Variants in RIN3 observed in about 807,000 individuals in gnomAD.
RIN3 encodes the protein Ras and Rab interactor 3, also known as RAB5 interacting protein 3.
In RIN3, 54 loss-of-function variants were observed where a neutral mutation model predicts 76.3. The observed-to-expected ratio is 0.71, with a 90% CI of 0.57 to 0.89. RIN3 has a LOEUF of 0.89. RIN3 is among the 40% of genes least tolerant of loss of function. The pLI is 0.00. For synonymous variants in RIN3, 576 were observed against 564.0 expected (o/e 1.02, Z -0.30); for missense variants, 1,256 against 1,322.1 (o/e 0.95, Z 0.78).
Position 92,592,253 on chromosome 14 carries a change from A to G in RIN3, c.367+14776A>G, listed in dbSNP as rs573069836. Among the ~76,000 whole-genome samples the G allele has an allele frequency of 9.9e-5, 15 of 152,124 alleles. 1 individual carries two copies. Among genetic ancestry groups the G allele is most frequent in the African/African-American group, 3.6e-4 (15 of 41,498 alleles). ...CACGTTTCTACTAAAAATACAAAAA[A>G]TTAGCTGGGCCTGGTGGTTTGCCTG... On this transcript the variant is annotated intron_variant, in intron 3 of 9. Coordinates refer to ENST00000216487, the MANE Select transcript of RIN3 (RefSeq NM_024832.5).
At chr14:92,663,866 C>T (rs141250513) in intron 7 of RIN3, among the ~76,000 whole-genome samples, 3 of 152,070 alleles carry the variant, frequency 2.0e-5, no homozygotes, top group East Asian at 2.0e-4. Flanking sequence ...TGTCATGTTG[C>T]GATGCAGGGG....
intron 4 of RIN3, among the ~76,000 whole-genome samples, chr14:92,638,139 G>A (rs949377357): frequency 2.0e-5 from 3 of 152,204 alleles, no homozygotes; most frequent in Non-Finnish European, 4.4e-5. Context: ...AAGCAGAGAC[G>A]CATGAGACCC....
At chr14:92,528,210 CG>C (rs1896795572) in intron 1 of RIN3, among the ~76,000 whole-genome samples, 1 of 152,178 alleles carries the variant, frequency 6.6e-6, no homozygotes. Context: ...GGGTGTGCCC[CG>C]TGGGGGCGGG....
rs755790547 is a variant in RIN3, at chr14:92,676,554, CA to C, written c.2417del (p.Asn806MetfsTer5). 13 of 1,614,016 alleles carry C rather than the reference CA, an allele frequency of 8.1e-6. No individual in the cohort carries two copies. The highest frequency in any genetic ancestry group is 1.1e-5 in the Non-Finnish European group (13 of 1,180,026). On this transcript the variant is annotated frameshift_variant, in exon 8 of 10. Coordinates refer to ENST00000216487, the MANE Select transcript of RIN3 (RefSeq NM_024832.5). LOFTEE classifies it high-confidence loss of function. ...GCAGCAACCTCACGGAGATGCTTCT[CA>C]ATGTGGAGTACATGATGGAGCTCAT... ...ARSNLTEMLL[N>X]VEYMMELMDP...
At chr14:92,582,903 G>C (rs1192031367) in intron 3 of RIN3, among the ~76,000 whole-genome samples, 1 of 152,194 alleles carries the variant, frequency 6.6e-6, no homozygotes, top group African/African-American at 2.4e-5. Context: ...CTCTCTTCCT[G>C]TTTGATGCCC....
At position 92,661,714 on chromosome 14, in the gene RIN3, G is replaced by A. The variant is rs1887885151; in HGVS notation, c.2335+2245G>A. Among the ~76,000 whole-genome samples the A allele has an allele frequency of 3.1e-5, 3 of 95,604 alleles. No homozygotes were observed. The South Asian group carries it at 9.0e-4, about 29-fold the overall frequency. 62.7% of individuals were successfully genotyped at this position (95,604 alleles called of 152,430 possible). ...ATTCCAGCCTGGGTGGTGACAGAGT[G>A]AGACTCTGTCACACACACACACACA... is the stretch of plus-strand genomic sequence containing the variant. On this transcript the variant is annotated intron_variant, in intron 7 of 9. Transcript: ENST00000216487.
intron 1 of RIN3, among the ~76,000 whole-genome samples, chr14:92,536,875 A>G (rs142940673): frequency 8.4e-4 from 128 of 152,150 alleles, no homozygotes; most frequent in African/African-American, 2.9e-3. Flanking sequence ...GTAACCTTAT[A>G]GCATTCTTTT....
rs1410777177 is a variant in RIN3, at chr14:92,656,420, G to A, written c.2027-2741G>A. Among the ~76,000 whole-genome samples, 3 of 152,146 alleles carry A rather than the reference G, an allele frequency of 2.0e-5. No individual in the cohort carries two copies. The highest frequency in any genetic ancestry group is 2.9e-5 in the Non-Finnish European group (2 of 68,026). ...GGGGGACGGCTCAGGAGGCTGCGGCGGGGCAAGGCCAGTACCCGGTGGCCT... is the reference window on the plus strand; with the variant it reads ...GGGGGACGGCTCAGGAGGCTGCGGCAGGGCAAGGCCAGTACCCGGTGGCCT... On this transcript the variant is annotated intron_variant, in intron 6 of 9. Coordinates refer to ENST00000216487, the MANE Select transcript of RIN3 (RefSeq NM_024832.5). This position sits in a 1 kb window ranked among gnomAD's most constrained non-coding sequence, Gnocchi z 5.2.
chr14:92,526,990 G>C (rs1001269826), intron 1 of RIN3, among the ~76,000 whole-genome samples: 2 of 151,616 alleles, frequency 1.3e-5, no homozygotes, highest in Non-Finnish European at 2.9e-5. Flanking sequence ...CTCCATTCTC[G>C]GACTCCATTG....
At chr14:92,638,256 C>T (rs571160023) in intron 4 of RIN3, among the ~76,000 whole-genome samples, 1 of 152,114 alleles carries the variant, frequency 6.6e-6, no homozygotes, top group African/African-American at 2.4e-5. Flanking sequence ...TCCCTCTATG[C>T]GTAAACTCAG....
At chr14:92,683,080 T>C (rs1253676265) in intron 8 of RIN3, among the ~76,000 whole-genome samples, 1 of 151,866 alleles carries the variant, frequency 6.6e-6, no homozygotes, top group Non-Finnish European at 1.5e-5. Context: ...GGCAGGAGAA[T>C]AGCTTGAACC....
chr14:92,676,186 C>T (rs1379071428), intron 7 of RIN3, among the ~76,000 whole-genome samples: 2 of 151,500 alleles, frequency 1.3e-5, no homozygotes, highest in African/African-American at 2.4e-5. Context: ...CAGCAGGGGG[C>T]GGTCATGGAG....
intron 4 of RIN3, among the ~76,000 whole-genome samples, chr14:92,638,110 A>T (rs1479757434): frequency 6.6e-6 from 1 of 152,120 alleles, no homozygotes; most frequent in Non-Finnish European, 1.5e-5. Flanking sequence ...TGCAGTGGTG[A>T]ATTGGATGGG....
At chr14:92,561,044 A>AAAAAAAATATATATATATATATATATAT (rs1555383856) in intron 2 of RIN3, among the ~76,000 whole-genome samples, 4 of 24,394 alleles carry the variant, frequency 1.6e-4, no homozygotes, top group Non-Finnish European at 3.2e-4. Context: ...AAAAAAAAAA[A>AAAAAAAATATATATATATATATATATAT]ATATATATAT....
chr14:92,580,324 C>T (rs1341959003), intron 3 of RIN3, among the ~76,000 whole-genome samples: 2 of 152,246 alleles, frequency 1.3e-5, no homozygotes, highest in Non-Finnish European at 2.9e-5. Flanking sequence ...TGAGATTGCA[C>T]CACTGCACTC....
chr14:92,622,527 G>A (rs1886217969), intron 4 of RIN3, among the ~76,000 whole-genome samples: 1 of 152,194 alleles, frequency 6.6e-6, no homozygotes, highest in Admixed American at 6.5e-5. Context: ...TCTGTAGAAG[G>A]GCGCTTCCTG....
At position 92,651,918 on chromosome 14, in the gene RIN3, A is replaced by T; in HGVS notation, c.869A>T (p.Gln290Leu). The part of the protein sequence containing the change: ...PPPPPPVLPL[Q>L]PCSPAQPPVL... ...CCCCCTCCCCCAGTGCTGCCCCTGC[A>T]GCCCTGCAGCCCAGCCCAGCCCCCT... Residue 290 changes from glutamine (Q) to leucine (L), a missense_variant, in exon 6 of 10, where the codon CAG becomes CTG. Gln to Leu is a moderately radical substitution (Grantham distance 113, BLOSUM62 -2). Coordinates refer to ENST00000216487, the MANE Select transcript of RIN3 (RefSeq NM_024832.5). The T allele has an allele frequency of 8.2e-7, 1 of 1,214,606 alleles. No individual in the cohort carries two copies. Among genetic ancestry groups the T allele is most frequent in the Non-Finnish European group, 1.1e-6 (1 of 942,858 alleles). The allele number at this position is 1,214,606 out of a possible 1,614,324, so 75.2% of individuals were successfully genotyped here. A position where few individuals can be genotyped will look rare whatever the true frequency, so the allele number is the denominator to read the frequency against.
chr14:92,618,133 C>G (rs969385235), intron 4 of RIN3, among the ~76,000 whole-genome samples: 1 of 152,094 alleles, frequency 6.6e-6, no homozygotes, highest in Non-Finnish European at 1.5e-5. Flanking sequence ...TATCCTTTAT[C>G]CATCAAAGTA....
At chr14:92,586,270 A>G (rs775431092) in intron 3 of RIN3, among the ~76,000 whole-genome samples, 4 of 152,214 alleles carry the variant, frequency 2.6e-5, no homozygotes, top group Non-Finnish European at 4.4e-5. Context: ...AGCAGCTATA[A>G]TTAGCTATGG....
Sources: gnomAD v4.1 joint callset for allele counts (sites outside exome capture counted in the v4.1 genomes callset) on GRCh38, gnomAD v4.1.1 for gene constraint, Gnocchi (gnomAD v3.1) non-coding constraint, MANE v1.5 for transcripts, NCBI Gene and HGNC (gene_info 2026-07-23, HGNC 2026-07-21) for gene names.